Variants in DHX37 observed in about 807,000 individuals in gnomAD.
The protein encoded by DHX37 is probable ATP-dependent RNA helicase DHX37.
A neutral mutation model predicts 134.3 loss-of-function variants in DHX37; 52 were observed. The ratio of observed to expected loss-of-function variants is 0.39; its 90% CI spans 0.31 to 0.49. DHX37 has a LOEUF of 0.49. Ranked by LOEUF, DHX37 falls within the 20% of genes least tolerant of loss-of-function variation. The pLI is 0.93. For missense variants in DHX37, 1,344 were observed against 1,580.8 expected (o/e 0.85, Z 2.54); for synonymous variants, 634 against 670.7 (o/e 0.95, Z 0.85).
chr12:124,984,299 G>A (rs1022679344), intron 2 of DHX37, among the ~76,000 whole-genome samples: 3 of 152,222 alleles, frequency 2.0e-5, no homozygotes, highest in South Asian at 2.1e-4. Context: ...CGGGGAGGCC[G>A]AGGCAGGTGG....
In DHX37 at chr12:124,971,400, G is replaced by A. The variant is rs1257183452; in HGVS notation, c.1093C>T (p.Arg365Trp). 5.0e-6 allele frequency: 8 copies of A among 1,613,068 alleles called. No individual in the cohort carries two copies. Among genetic ancestry groups the A allele is most frequent in the African/African-American group, 1.3e-5 (1 of 74,940 alleles). The change falls in exon 8 of 27, where the codon CGG becomes TGG. Residue 365 changes from arginine to tryptophan, a missense_variant. By Grantham distance (101) the Arg-to-Trp change is moderately radical (BLOSUM62 -3). Coordinates refer to ENST00000308736, the MANE Select transcript of DHX37 (RefSeq NM_032656.4). ...TCGTCGATGATCACCACCTTGTACC[G>A]CAGCAGCAGGAAGTCCTGGGGGGAG... ...KEIQKDFLLLRYKVVIIDEAH... is the reference protein window; with the variant it reads ...KEIQKDFLLLWYKVVIIDEAH...
Position 124,975,460 on chromosome 12 carries a change from G to T in DHX37, c.939C>A (p.Ala313=). 1 of 1,612,864 alleles carries T rather than the reference G, an allele frequency of 6.2e-7. No homozygotes were observed. Among genetic ancestry groups the T allele is most frequent in the Non-Finnish European group, 8.5e-7 (1 of 1,180,008 alleles). Residue 313 remains alanine, a synonymous_variant, in exon 6 of 27, where the codon GCC becomes GCA. Transcript: ENST00000308736. ...VTEPRRVAAV[A]MSQRVAKEMN... Reference sequence around the variant, plus strand: ...TCTCCTTGGCCACTCGCTGGGACATGGCCACGGCGGCCACTCGGCGGGGCT... The same window carrying T: ...TCTCCTTGGCCACTCGCTGGGACATTGCCACGGCGGCCACTCGGCGGGGCT...
At chr12:124,969,321 G>T (rs78696083) in intron 8 of DHX37, among the ~76,000 whole-genome samples, 1 of 152,138 alleles carries the variant, frequency 6.6e-6, no homozygotes, top group Non-Finnish European at 1.5e-5. Flanking sequence ...GGGTCTGTGG[G>T]GGGTGGGAGA....
At position 124,947,580 on chromosome 12, in the gene DHX37, T is replaced by C; in HGVS notation, c.*222A>G. ...CGTGAGATGAAATCATCATCCACCA[T>C]ATAATAAACAGTTCAAAAAGTCACC... On this transcript the variant is annotated 3_prime_UTR_variant, in exon 27 of 27. Coordinates refer to ENST00000308736, the MANE Select transcript of DHX37 (RefSeq NM_032656.4). 1.9e-6 allele frequency: 1 copy of C among 531,210 alleles called. No individual in the cohort carries two copies. Among genetic ancestry groups the C allele is most frequent in the Non-Finnish European group, 3.3e-6 (1 of 302,996 alleles). 32.9% of individuals were successfully genotyped at this position (531,210 alleles called of 1,614,324 possible). A position where few individuals can be genotyped will look rare whatever the true frequency, so the allele number is the denominator to read the frequency against.
chr12:124,972,272 C>T (rs1248016233), intron 7 of DHX37, among the ~76,000 whole-genome samples: 2 of 152,236 alleles, frequency 1.3e-5, no homozygotes, highest in Non-Finnish European at 2.9e-5. Context: ...AAGCTGTCAG[C>T]ATGCACTCTA....
At chr12:124,968,684 G>GA (rs1271715853) in intron 9 of DHX37, 36 bp from the exon 10 acceptor site, 1 of 1,613,332 alleles carries the variant, frequency 6.2e-7, no homozygotes, top group African/African-American at 1.3e-5. Context: ...GGAGTGGGGG[G>GA]GACACGAGCT....
chr12:124,984,971 AGACACACG>A (rs1186175805), intron 2 of DHX37, among the ~76,000 whole-genome samples: 2 of 152,172 alleles, frequency 1.3e-5, no homozygotes, highest in Non-Finnish European at 2.9e-5. Context: ...CCCTTCGAAG[AGACACACG>A]GAGGAAAGGC....
intron 15 of DHX37, among the ~76,000 whole-genome samples, chr12:124,961,805 C>A (rs974523809): frequency 6.6e-6 from 1 of 152,096 alleles, no homozygotes; most frequent in Non-Finnish European, 1.5e-5. Flanking sequence ...ATAGGCAGTT[C>A]CCTAGAAAGA....
chr12:124,970,826 C>T (rs12580325), intron 8 of DHX37, among the ~76,000 whole-genome samples: 33,513 of 151,214 alleles, frequency 0.22, 4,379 homozygotes, highest in Non-Finnish European at 0.3. Flanking sequence ...TGCATGAAGC[C>T]GCGCCCCAGG....
At chr12:124,963,448 CTG>C (rs1366394879) in intron 15 of DHX37, among the ~76,000 whole-genome samples, 1 of 152,148 alleles carries the variant, frequency 6.6e-6, no homozygotes, top group Non-Finnish European at 1.5e-5. Flanking sequence ...TTGCACAACT[CTG>C]TGACTGTCCT....
Position 124,977,476 on chromosome 12 carries a change from C to T in DHX37, c.753G>A (p.Lys251=), listed in dbSNP as rs752952226. 6 of 1,602,618 alleles carry T rather than the reference C, an allele frequency of 3.7e-6. No individual in the cohort carries two copies. The highest frequency in any genetic ancestry group is 5.1e-6 in the Non-Finnish European group (6 of 1,175,684). The change falls in exon 5 of 27, where the codon AAG becomes AAA. Residue 251 remains lysine (K), a synonymous_variant. Transcript: ENST00000308736. ...CTTGTTCTTCGGAGAGAATTGGGAG[C>T]TTCAGCCGTTCCTCCTGGAAGGAGA... ...RSPEMQEERL[K]LPILSEEQVI...
chr12:124,972,705 G>C, intron 6 of DHX37, 106 bp from the exon 7 acceptor site: 1 of 1,020,988 alleles, frequency 9.8e-7, no homozygotes, highest in Non-Finnish European at 1.5e-6. Flanking sequence ...CTTGAGGGCA[G>C]GGCCCGCTGG....
At chr12:124,965,938 G>T in intron 12 of DHX37, 126 bp from the exon 13 acceptor site, 1 of 1,219,266 alleles carries the variant, frequency 8.2e-7, no homozygotes, top group Non-Finnish European at 1.1e-6. Context: ...TGCAACCCGG[G>T]GCAGGCCACA....
intron 2 of DHX37, among the ~76,000 whole-genome samples, 162 bp downstream of exon 2, chr12:124,985,934 A>G (rs1459737694): frequency 6.6e-6 from 1 of 151,972 alleles, no homozygotes; most frequent in Non-Finnish European, 1.5e-5. Context: ...CTCAACAGCA[A>G]TATGTGGTTA....
intron 4 of DHX37, among the ~76,000 whole-genome samples, chr12:124,979,918 G>C (rs868409667): frequency 9.8e-5 from 15 of 152,308 alleles, no homozygotes; most frequent in African/African-American, 3.1e-4. Flanking sequence ...TTAGAAGCAG[G>C]ATCCCAATTC....
Position 124,949,962 on chromosome 12 carries a change from C to G in DHX37, c.3290+24G>C. ...GGCCTCGGACCCCTCCTGCCCACTG[C>G]GAGGCTCCCACCGAAGGCAGTACCT... is the stretch of plus-strand genomic sequence containing the variant. On this transcript the variant is annotated intron_variant, in intron 25 of 26. Coordinates refer to ENST00000308736, the MANE Select transcript of DHX37 (RefSeq NM_032656.4). This position sits in a 1 kb window ranked among gnomAD's most constrained non-coding sequence, Gnocchi z 4.0. The G allele has an allele frequency of 6.3e-7, 1 of 1,592,864 alleles. No homozygotes were observed. The highest frequency in any genetic ancestry group is 8.6e-7 in the Non-Finnish European group (1 of 1,167,664).
intron 6 of DHX37, 40 bp from the exon 7 acceptor site, chr12:124,972,639 G>C (rs372550063): frequency 1.2e-6 from 2 of 1,606,884 alleles, no homozygotes; most frequent in Non-Finnish European, 1.7e-6. Flanking sequence ...AGCCGTGCCT[G>C]GCTGGGGCTG....
intron 15 of DHX37, among the ~76,000 whole-genome samples, chr12:124,961,899 C>T (rs1232512115): frequency 1.3e-5 from 2 of 152,118 alleles, no homozygotes; most frequent in African/African-American, 4.8e-5. Context: ...TATGATACCA[C>T]TTCACATCCA....
chr12:124,960,122 G>A (rs1342224038), intron 16 of DHX37, among the ~76,000 whole-genome samples, 190 bp downstream of exon 16: 2 of 152,234 alleles, frequency 1.3e-5, no homozygotes, highest in East Asian at 3.9e-4. Context: ...GGGTGTCCAC[G>A]GGCGATGCAG....
Sources: gnomAD v4.1 joint callset for allele counts (sites outside exome capture counted in the v4.1 genomes callset) on GRCh38, gnomAD v4.1.1 for gene constraint, Gnocchi (gnomAD v3.1) non-coding constraint, MANE v1.5 for transcripts, NCBI Gene and HGNC (gene_info 2026-07-23, HGNC 2026-07-21) for gene names.